The following GPC5 variants were observed in gnomAD, a reference collection of about 807,000 sequenced individuals.
The protein encoded by GPC5 is glypican-5.
In GPC5, 47 loss-of-function variants were observed where a neutral mutation model predicts 53.9. That is an observed-to-expected ratio of 0.87 (90% CI 0.69 to 1.11). GPC5 has a LOEUF of 1.11. GPC5 is among the 50% of genes most tolerant of loss of function. The pLI is 0.00. For missense variants in GPC5, 748 were observed against 713.1 expected (o/e 1.05, Z -0.56); for synonymous variants, 286 against 263.3 (o/e 1.09, Z -0.84).
intron 2 of GPC5, among the ~76,000 whole-genome samples, chr13:91,542,317 A>T (rs555686632): frequency 6.6e-6 from 1 of 152,214 alleles, no homozygotes; most frequent in Non-Finnish European, 1.5e-5. Flanking sequence ...GTGAAATCAT[A>T]AAAAGAGGCC....
chr13:92,276,570 T>C (rs1193187065), intron 7 of GPC5, among the ~76,000 whole-genome samples: 1 of 152,134 alleles, frequency 6.6e-6, no homozygotes, highest in Non-Finnish European at 1.5e-5. Flanking sequence ...CCTGGGCTTC[T>C]GGAAAAGTAA....
At chr13:92,049,140 G>A (rs773379609) in intron 6 of GPC5, among the ~76,000 whole-genome samples, 3 of 152,070 alleles carry the variant, frequency 2.0e-5, no homozygotes, top group Non-Finnish European at 2.9e-5. Flanking sequence ...ATGACTTCAA[G>A]AGCAACTAAA....
chr13:92,755,099 T>C (rs1874796300), intron 7 of GPC5, among the ~76,000 whole-genome samples: 1 of 149,770 alleles, frequency 6.7e-6, no homozygotes, highest in African/African-American at 2.5e-5. Context: ...CCTCAGCAAA[T>C]GTAAAAGAAC....
chr13:91,955,559 C>T (rs906062050), intron 6 of GPC5, among the ~76,000 whole-genome samples: 1 of 152,140 alleles, frequency 6.6e-6, no homozygotes, highest in East Asian at 1.9e-4. Flanking sequence ...GTTGGGAGCC[C>T]ACAGAGGCAC....
chr13:91,521,845 A>G (rs1219174169), intron 2 of GPC5, among the ~76,000 whole-genome samples: 1 of 152,208 alleles, frequency 6.6e-6, no homozygotes, highest in African/African-American at 2.4e-5. Context: ...TAAAAGCTCC[A>G]AGCTGTCTGA....
chr13:92,260,228 C>G (rs1034497970), intron 7 of GPC5, among the ~76,000 whole-genome samples: 1 of 152,150 alleles, frequency 6.6e-6, no homozygotes, highest in Non-Finnish European at 1.5e-5. Flanking sequence ...AGCAGCTCCT[C>G]ACAGAAACTG....
At chr13:92,364,178 G>C (rs1195502074) in intron 7 of GPC5, among the ~76,000 whole-genome samples, 2 of 151,684 alleles carry the variant, frequency 1.3e-5, no homozygotes, top group Non-Finnish European at 2.9e-5. Flanking sequence ...ATACCCTACA[G>C]GGTTTATCTG....
chr13:92,756,174 T>G (rs1429126054), intron 7 of GPC5, among the ~76,000 whole-genome samples: 1 of 151,996 alleles, frequency 6.6e-6, no homozygotes, highest in African/African-American at 2.4e-5. Flanking sequence ...GGCTGGTTCA[T>G]TATATGCAAA....
At chr13:92,758,846 A>G (rs1875026458) in intron 7 of GPC5, among the ~76,000 whole-genome samples, 1 of 151,864 alleles carries the variant, frequency 6.6e-6, no homozygotes, top group Non-Finnish European at 1.5e-5. Context: ...TTCATCTAGG[A>G]GTTTTATGAT....
intron 7 of GPC5, among the ~76,000 whole-genome samples, chr13:92,222,641 G>A (rs1472585511): frequency 6.6e-6 from 1 of 151,814 alleles, no homozygotes; most frequent in Non-Finnish European, 1.5e-5. Context: ...TTTTCTTTGG[G>A]GTGTGTGTGT....
At chr13:92,715,500 A>T (rs952775003) in intron 7 of GPC5, among the ~76,000 whole-genome samples, 19 of 152,232 alleles carry the variant, frequency 1.2e-4, no homozygotes, top group African/African-American at 4.6e-4. Context: ...GTATAACTCT[A>T]GTCTCCTGAC....
intron 7 of GPC5, among the ~76,000 whole-genome samples, chr13:92,727,698 T>C (rs1039922204): frequency 2.0e-5 from 3 of 151,410 alleles, no homozygotes; most frequent in Non-Finnish European, 3.0e-5. Flanking sequence ...TTGTGCTCCC[T>C]ACCCTCTCAC....
chr13:92,589,813 T>A (rs4294670), intron 7 of GPC5, among the ~76,000 whole-genome samples: 37,771 of 152,200 alleles, frequency 0.25, 5,015 homozygotes, highest in Middle Eastern at 0.35. Context: ...ACATTCATCA[T>A]TGTTTCACAT....
chr13:91,450,509 C>T (rs1262703882), intron 2 of GPC5, among the ~76,000 whole-genome samples: 1 of 152,032 alleles, frequency 6.6e-6, no homozygotes, highest in African/African-American at 2.4e-5. Context: ...ACATTACGTT[C>T]AAAGGGTTAG....
chr13:92,626,110 T>C (rs1885036636), intron 7 of GPC5, among the ~76,000 whole-genome samples: 2 of 152,250 alleles, frequency 1.3e-5, no homozygotes, highest in Admixed American at 6.5e-5. Context: ...TTTACAATTA[T>C]ATAATAACTT....
In GPC5 at chr13:92,334,354, A is replaced by T. The variant is rs1319934292; in HGVS notation, c.1561+189365A>T. On this transcript the variant is annotated intron_variant, in intron 7 of 7. Transcript: ENST00000377067. The stretch of plus-strand genomic sequence containing the variant: ...TATTCATTATCATGAGAACAGCATG[A>T]GAAAAGCCCACCCCTATGATTCAAT... Among the ~76,000 whole-genome samples the T allele has an allele frequency of 1.3e-5, 2 of 152,100 alleles. 1 individual carries two copies. The highest frequency in any genetic ancestry group is 6.3e-3 in the Middle Eastern group (2 of 316).
intron 5 of GPC5, among the ~76,000 whole-genome samples, chr13:91,804,804 C>T (rs763135116): frequency 3.4e-4 from 52 of 152,190 alleles, no homozygotes; most frequent in Non-Finnish European, 6.3e-4. Context: ...CTGCCCATTA[C>T]AGTGAGACTT....
At chr13:91,688,887 G>C (rs1300329724) in intron 2 of GPC5, among the ~76,000 whole-genome samples, 2 of 151,884 alleles carry the variant, frequency 1.3e-5, no homozygotes, top group Admixed American at 1.3e-4. Flanking sequence ...TGAAAGGATG[G>C]TATAGACTGA....
At chr13:91,731,179 G>A (rs2036689113) in intron 4 of GPC5, among the ~76,000 whole-genome samples, 2 of 152,206 alleles carry the variant, frequency 1.3e-5, no homozygotes. Context: ...ATCATTAGCT[G>A]CATAGCAGGT....
Sources: allele counts gnomAD v4.1 joint callset (sites outside exome capture counted in the v4.1 genomes callset), GRCh38; gene constraint gnomAD v4.1.1; transcripts MANE v1.5; gene names NCBI Gene and HGNC (gene_info 2026-07-23, HGNC 2026-07-21).